The following CTNNA2 variants were observed in gnomAD, a reference collection of about 807,000 sequenced individuals.
CTNNA2 encodes catenin alpha-2.
In CTNNA2, 42 loss-of-function variants were observed where a neutral mutation model predicts 101.0. The ratio of observed to expected loss-of-function variants is 0.42; its 90% CI spans 0.32 to 0.54. The LOEUF (loss-of-function observed/expected upper bound fraction) is 0.54, where lower values mean the gene tolerates loss of function less well. CTNNA2 is among the 20% of genes least tolerant of loss of function. The pLI, the probability that CTNNA2 is intolerant of heterozygous loss-of-function variation, is 0.14. For synonymous variants in CTNNA2, 450 were observed against 456.4 expected, an observed-to-expected ratio of 0.99 and a Z score of 0.18; for missense variants, 871 against 1,223.1, an observed-to-expected ratio of 0.71 and a Z score of 4.29.
At chr2:79,739,463 T>A (rs1671127381) in intron 2 of CTNNA2, among the ~76,000 whole-genome samples, 1 of 152,220 alleles carries the variant, frequency 6.6e-6, no homozygotes, top group African/African-American at 2.4e-5. Context: ...TCTCAATGTC[T>A]GTTTACAAAA....
rs140175675 is a variant in CTNNA2 at position 79,367,408 on chromosome 2, G to A, written c.-317-6423G>A. On this transcript the variant is annotated intron_variant, in intron 3 of 21. Coordinates refer to the CTNNA2 transcript ENST00000466387. The stretch of plus-strand genomic sequence containing the variant: ...AAATAAGGGGAAAGCATCTCTGGCA[G>A]GGAAATTGAAAGTGCAAAGGCCCTA... 3.3e-5 allele frequency among the ~76,000 whole-genome samples: 5 copies of A among 152,300 alleles called. No homozygotes were observed. In the East Asian group the frequency reaches 9.7e-4, roughly 29 times the overall value.
At chr2:80,318,408 G>T (rs145985996) in intron 7 of CTNNA2, among the ~76,000 whole-genome samples, 1 of 152,138 alleles carries the variant, frequency 6.6e-6, no homozygotes, top group South Asian at 2.1e-4. Context: ...TGTATTCCTG[G>T]TGTAGTGAAG....
intron 2 of CTNNA2, among the ~76,000 whole-genome samples, chr2:79,721,505 C>A (rs1177655314): frequency 2.0e-5 from 3 of 152,226 alleles, no homozygotes; most frequent in African/African-American, 7.2e-5. Flanking sequence ...ATGTTTCCAA[C>A]ACATGAAATG....
At chr2:79,723,709 T>C (rs2104877089) in intron 2 of CTNNA2, among the ~76,000 whole-genome samples, 1 of 152,296 alleles carries the variant, frequency 6.6e-6, no homozygotes, top group Middle Eastern at 3.4e-3. Flanking sequence ...TATGGTACTT[T>C]CTGTCCAGGA....
At chr2:80,502,675 G>A (rs1209253540) in intron 9 of CTNNA2, among the ~76,000 whole-genome samples, 1 of 152,134 alleles carries the variant, frequency 6.6e-6, no homozygotes, top group African/African-American at 2.4e-5. Flanking sequence ...TCATCATTTG[G>A]TCAGGATCCA....
intron 3 of CTNNA2, among the ~76,000 whole-genome samples, chr2:79,841,801 G>C (rs1679838487): frequency 6.6e-6 from 1 of 152,196 alleles, no homozygotes; most frequent in Admixed American, 6.5e-5. Flanking sequence ...AGATGTTTGT[G>C]CTTGCTCTTG....
chr2:79,684,919 C>T (rs1425072517), intron 2 of CTNNA2, among the ~76,000 whole-genome samples: 2 of 152,120 alleles, frequency 1.3e-5, no homozygotes, highest in Non-Finnish European at 2.9e-5. Context: ...GCCCTCTTTC[C>T]CAGTTCATCA....
chr2:80,215,181 A>C lies in CTNNA2; in HGVS notation c.1057-178030A>C, dbSNP rs1708175681. Among the ~76,000 whole-genome samples, 3 of 151,968 alleles carry C rather than the reference A, an allele frequency of 2.0e-5. No homozygotes were observed. In the South Asian group the frequency reaches 6.2e-4, roughly 32 times the overall value. On this transcript the variant is annotated intron_variant, in intron 7 of 18. Transcript: ENST00000402739. Reference sequence around the variant, plus strand: ...GTCTAGTCTTTTTTTCAAGGTTTTTAGCTTCTTTACAATGGGTTAGAACAT... The same window carrying C: ...GTCTAGTCTTTTTTTCAAGGTTTTTCGCTTCTTTACAATGGGTTAGAACAT...
intron 18 of CTNNA2, among the ~76,000 whole-genome samples, chr2:80,633,224 TA>T (rs1672482107): frequency 1.3e-5 from 2 of 152,074 alleles, no homozygotes; most frequent in African/African-American, 4.8e-5. Context: ...TAAAAGTTTT[TA>T]AATTTTTTGA....
intron 9 of CTNNA2, among the ~76,000 whole-genome samples, chr2:80,451,784 A>G (rs1683528354): frequency 6.6e-6 from 1 of 152,240 alleles, no homozygotes; most frequent in African/African-American, 2.4e-5. Context: ...TATAGCCAAA[A>G]TCAGAAGTTA....
chr2:80,583,298 C>G (rs6547316), intron 14 of CTNNA2, among the ~76,000 whole-genome samples: 4 of 151,904 alleles, frequency 2.6e-5, no homozygotes, highest in Non-Finnish European at 5.9e-5. Flanking sequence ...AAATCCTTTC[C>G]GATCACATGA....
intron 7 of CTNNA2, among the ~76,000 whole-genome samples, chr2:79,975,800 G>A (rs1262367537): frequency 3.3e-5 from 5 of 152,204 alleles, no homozygotes; most frequent in Non-Finnish European, 7.3e-5. Context: ...CTCTGTAGGC[G>A]CACCACCCTC....
intron 4 of CTNNA2, among the ~76,000 whole-genome samples, chr2:79,470,694 T>G (rs972664739): frequency 1.3e-5 from 2 of 152,236 alleles, no homozygotes; most frequent in African/African-American, 4.8e-5. Flanking sequence ...CTTCTTTGAA[T>G]GCTTCTGATG....
At chr2:80,596,780 T>A (rs1473165260) in intron 15 of CTNNA2, among the ~76,000 whole-genome samples, 1 of 139,800 alleles carries the variant, frequency 7.2e-6, no homozygotes, top group Non-Finnish European at 1.5e-5. Flanking sequence ...ATCCTTGTCT[T>A]GTGTCCGGTT....
chr2:79,889,063 T>C (rs1271802798), intron 6 of CTNNA2, among the ~76,000 whole-genome samples: 3 of 152,218 alleles, frequency 2.0e-5, no homozygotes, highest in African/African-American at 4.8e-5. Flanking sequence ...TAATCTTTAC[T>C]TCTCCCTCCA....
chr2:79,603,581 C>T (rs926741785), intron 1 of CTNNA2, among the ~76,000 whole-genome samples: 8 of 152,150 alleles, frequency 5.3e-5, no homozygotes, highest in Admixed American at 2.0e-4. Flanking sequence ...CGAGCCAAAG[C>T]TCTGAATACC....
In CTNNA2 at chr2:79,535,079, G is replaced by A. The variant is rs564050903; in HGVS notation, c.-6+21872G>A. Among the ~76,000 whole-genome samples the A allele has an allele frequency of 1.1e-3, 174 of 152,160 alleles. 3 individuals carry two copies. The highest frequency in any genetic ancestry group is 2.9e-3 in the South Asian group (14 of 4,826). On this transcript the variant is annotated intron_variant, in intron 1 of 18. Coordinates refer to ENST00000402739, the MANE Select transcript of CTNNA2 (RefSeq NM_001282597.3). Reference sequence around the variant, plus strand: ...ACTTTAAAAGGCGGTGAAATAAAGAGATAAACTATTCATGCAAAAAAATTT... The same window carrying A: ...ACTTTAAAAGGCGGTGAAATAAAGAAATAAACTATTCATGCAAAAAAATTT...
chr2:79,185,683 G>C (rs1274386718), intron 1 of CTNNA2, among the ~76,000 whole-genome samples: 3 of 152,126 alleles, frequency 2.0e-5, no homozygotes, highest in African/African-American at 7.2e-5. Context: ...CCAAATACTA[G>C]AGAATGCTTA....
intron 7 of CTNNA2, among the ~76,000 whole-genome samples, chr2:80,067,266 T>C (rs1698048771): frequency 1.3e-5 from 2 of 152,196 alleles, no homozygotes; most frequent in African/African-American, 4.8e-5. Flanking sequence ...ATATAATGCA[T>C]ATGTAAATTA....
Sources: gnomAD v4.1 joint callset for allele counts (sites outside exome capture counted in the v4.1 genomes callset) on GRCh38, gnomAD v4.1.1 for gene constraint, MANE v1.5 for transcripts, NCBI Gene and HGNC (gene_info 2026-07-23, HGNC 2026-07-21) for gene names.